The following PKHD1 variants were observed in gnomAD, a reference collection of about 807,000 sequenced individuals.
PKHD1 encodes fibrocystin.
In PKHD1, 291 loss-of-function variants were observed where a neutral mutation model predicts 412.0. The observed-to-expected ratio is 0.71, with a 90% CI of 0.64 to 0.78. The LOEUF (loss-of-function observed/expected upper bound fraction) is 0.78, where lower values mean the gene tolerates loss of function less well. Among genes scored for constraint, PKHD1 ranks in the 30% least tolerant of loss-of-function variants. PKHD1 has a pLI of 0.00. For synonymous variants in PKHD1, 1,777 were observed against 1,821.5 expected (o/e 0.98, Z 0.62); for missense variants, 4,825 against 4,950.7 (o/e 0.97, Z 0.76).
intron 35 of PKHD1, among the ~76,000 whole-genome samples, chr6:52,006,811 C>T (rs993540011): frequency 6.6e-6 from 1 of 152,218 alleles, no homozygotes. Context: ...ATACACTGAA[C>T]CCAATTTGTA....
intron 64 of PKHD1, among the ~76,000 whole-genome samples, chr6:51,633,716 T>C (rs112120381): frequency 2.0e-4 from 30 of 152,196 alleles, no homozygotes; most frequent in African/African-American, 6.7e-4. Flanking sequence ...AAAGAACAGA[T>C]CAGTGGTTGC....
At chr6:51,805,234 T>C (rs946622524) in intron 52 of PKHD1, among the ~76,000 whole-genome samples, 2 of 152,198 alleles carry the variant, frequency 1.3e-5, no homozygotes, top group Non-Finnish European at 2.9e-5. Flanking sequence ...TGCAGCCACA[T>C]GGGTGCTGCT....
chr6:51,929,121 G>T (rs1211150501), intron 37 of PKHD1, among the ~76,000 whole-genome samples: 1 of 152,166 alleles, frequency 6.6e-6, no homozygotes, highest in Non-Finnish European at 1.5e-5. Context: ...TTAATCAGGT[G>T]ACGAGAGAGT....
intron 60 of PKHD1, among the ~76,000 whole-genome samples, chr6:51,689,961 T>C (rs912109129): frequency 1.6e-4 from 24 of 152,058 alleles, no homozygotes; most frequent in African/African-American, 4.8e-5. Flanking sequence ...TAAACTACCA[T>C]TGAAATTCTT....
intron 35 of PKHD1, among the ~76,000 whole-genome samples, chr6:52,004,749 T>C (rs1798846346): frequency 6.6e-6 from 1 of 152,184 alleles, no homozygotes; most frequent in Admixed American, 6.5e-5. Flanking sequence ...CTTTCTGAGG[T>C]CTCAACTCAA....
chr6:51,770,294 G>A (rs1789855984), intron 55 of PKHD1, among the ~76,000 whole-genome samples: 1 of 151,676 alleles, frequency 6.6e-6, no homozygotes. Flanking sequence ...TATGATTGAA[G>A]GCTTTACTAA....
chr6:51,672,722 C>T (rs764798157), intron 60 of PKHD1, among the ~76,000 whole-genome samples: 11 of 152,170 alleles, frequency 7.2e-5, no homozygotes, highest in Admixed American at 6.5e-4. Context: ...GAAAGCATAG[C>T]TCATTTCAGC....
chr6:52,024,728 A>T lies in PKHD1; in HGVS notation c.5082T>A (p.Gly1694=), dbSNP rs755698559. ...DIFIGMSPCV[G]VSGNHTVLQC... ...GAAGAACGGTGTGGTTACCAGAGAC[A>T]CCCACACAGGGTGACATTCCTATAA... Residue 1694 remains glycine (G), a synonymous_variant, in exon 32 of 67, where the codon GGT becomes GGA. Transcript: ENST00000371117. 11 of 1,614,184 alleles carry T rather than the reference A, an allele frequency of 6.8e-6. No homozygotes were observed. In the East Asian group the frequency reaches 2.5e-4, roughly 36 times the overall value.
At chr6:52,042,292 T>A (rs1453557045) in intron 27 of PKHD1, among the ~76,000 whole-genome samples, 1 of 152,224 alleles carries the variant, frequency 6.6e-6, no homozygotes, top group Non-Finnish European at 1.5e-5. Flanking sequence ...TCCTCTGGAC[T>A]CCAGAATAAA....
chr6:51,665,421 T>C (rs142728268), intron 60 of PKHD1, among the ~76,000 whole-genome samples: 1,670 of 152,248 alleles, frequency 0.011, 30 homozygotes, highest in African/African-American at 0.038. Context: ...AAAATTTTCC[T>C]TTTATAAAGA....
At chr6:51,856,131 A>C in intron 48 of PKHD1, 61 bp from the exon 49 acceptor site, 1 of 949,568 alleles carries the variant, frequency 1.1e-6, no homozygotes. Context: ...TTCTGAATCC[A>C]ATACATTCCT....
At chr6:52,085,138 G>T in intron 1 of PKHD1, 121 bp from the exon 2 acceptor site, 1 of 541,156 alleles carries the variant, frequency 1.8e-6, no homozygotes, top group Non-Finnish European at 3.3e-6. Context: ...GTCTTCAAAT[G>T]GAGCCACCAT....
chr6:51,714,719 A>G lies in PKHD1; in HGVS notation c.10156+29666T>C, dbSNP rs574395802. Among the ~76,000 whole-genome samples, 9 of 152,286 alleles carry G rather than the reference A, an allele frequency of 5.9e-5. No individual in the cohort carries two copies. The South Asian group carries it at 1.9e-3, about 32-fold the overall frequency. On this transcript the variant is annotated intron_variant, in intron 60 of 66. Transcript: ENST00000371117. The stretch of plus-strand genomic sequence containing the variant: ...CCAATATAGAACGTTCCATCACTGT[A>G]AAAAGATACACAGGCAGAGCCAGAA...
chr6:51,658,836 CT>C, intron 61 of PKHD1, 115 bp downstream of exon 61: 2 of 734,594 alleles, frequency 2.7e-6, no homozygotes, highest in South Asian at 1.6e-5. Context: ...TTATTCTTAT[CT>C]TAAAAAGCAG....
chr6:51,950,728 G>T (rs571586796), intron 36 of PKHD1, among the ~76,000 whole-genome samples: 1 of 152,228 alleles, frequency 6.6e-6, no homozygotes, highest in African/African-American at 2.4e-5. Context: ...GTGATGTTTG[G>T]CATCATCTGA....
At chr6:51,958,960 G>C (rs1016892094) in intron 36 of PKHD1, among the ~76,000 whole-genome samples, 3 of 152,144 alleles carry the variant, frequency 2.0e-5, no homozygotes, top group Admixed American at 6.6e-5. Flanking sequence ...AAAAAAAACA[G>C]CTTCCAGAAT....
intron 60 of PKHD1, among the ~76,000 whole-genome samples, chr6:51,742,468 A>G (rs919462335): frequency 6.6e-6 from 1 of 152,228 alleles, no homozygotes; most frequent in African/African-American, 2.4e-5. Context: ...GCAGTAGTTC[A>G]GGTGAAAGAA....
rs1235825328 is a variant in PKHD1 at position 51,748,351 on chromosome 6, T to G, written c.9265A>C (p.Ile3089Leu). 2 of 1,613,994 alleles carry G rather than the reference T, an allele frequency of 1.2e-6. No individual in the cohort carries two copies. Among genetic ancestry groups the G allele is most frequent in the East Asian group, 2.2e-5 (1 of 44,894 alleles). Residue 3089 changes from isoleucine to leucine, a missense_variant, in exon 58 of 67, where the codon ATC (isoleucine) becomes CTC (leucine). By Grantham distance (5) the Ile-to-Leu change is conservative (BLOSUM62 2). Coordinates refer to ENST00000371117, the MANE Select transcript of PKHD1 (RefSeq NM_138694.4). ...GCCACAACGTTGCCATGGAGGTTGA[T>G]GTCCTTTACCTGGTTCACTTTGATT... ...AGIKVNQVKD[I>L]NLHGNVVAGS...
chr6:51,933,226 GA>G (rs535421246), intron 37 of PKHD1, among the ~76,000 whole-genome samples: 1 of 152,032 alleles, frequency 6.6e-6, no homozygotes, highest in Non-Finnish European at 1.5e-5. Context: ...TCTCAAGAGG[GA>G]AAAAAAATGT....
Sources: gnomAD v4.1 joint callset for allele counts (sites outside exome capture counted in the v4.1 genomes callset) on GRCh38, gnomAD v4.1.1 for gene constraint, MANE v1.5 for transcripts, NCBI Gene and HGNC (gene_info 2026-07-23, HGNC 2026-07-21) for gene names.